The following ARHGAP20 variants were observed in gnomAD, a reference collection of about 807,000 sequenced individuals.
ARHGAP20 encodes the protein Rho GTPase activating protein 20.
In ARHGAP20, 34 loss-of-function variants were observed where a neutral mutation model predicts 73.7. That is an observed-to-expected ratio of 0.46 (90% CI 0.35 to 0.61). The LOEUF (loss-of-function observed/expected upper bound fraction) is 0.61. Among genes scored for constraint, ARHGAP20 ranks in the 20% least tolerant of loss-of-function variants. The pLI is 0.00. For synonymous variants in ARHGAP20, 523 were observed against 518.2 expected (o/e 1.01, Z -0.13); for missense variants, 1,314 against 1,420.9 (o/e 0.92, Z 1.21).
At chr11:110,603,519 TA>T (rs1033577768) in intron 9 of ARHGAP20, among the ~76,000 whole-genome samples, 23 of 152,194 alleles carry the variant, frequency 1.5e-4, no homozygotes, top group Non-Finnish European at 5.9e-5. Flanking sequence ...CTTGTGCCGT[TA>T]AAAGTTAAAA....
intron 2 of ARHGAP20, among the ~76,000 whole-genome samples, chr11:110,658,488 C>A (rs982990224): frequency 6.6e-6 from 1 of 152,006 alleles, no homozygotes; most frequent in Non-Finnish European, 1.5e-5. Flanking sequence ...AAAGTAGCTA[C>A]GAAGAAAGAC....
intron 2 of ARHGAP20, among the ~76,000 whole-genome samples, chr11:110,655,474 C>T (rs949853791): frequency 2.6e-5 from 4 of 152,162 alleles, no homozygotes; most frequent in Admixed American, 2.6e-4. Flanking sequence ...AACGTAAGCT[C>T]CGCAATGCCA....
At chr11:110,688,087 C>T (rs1024741973) in intron 2 of ARHGAP20, among the ~76,000 whole-genome samples, 2 of 152,100 alleles carry the variant, frequency 1.3e-5, no homozygotes, top group African/African-American at 2.4e-5. Flanking sequence ...AAGATATTTT[C>T]CCCCTTCGTG....
chr11:110,605,224 T>C (rs1948196676), intron 9 of ARHGAP20, among the ~76,000 whole-genome samples: 1 of 152,082 alleles, frequency 6.6e-6, no homozygotes, highest in Admixed American at 6.5e-5. Flanking sequence ...TAGAGTTTAG[T>C]AGGTTTGAAA....
At chr11:110,643,724 A>T (rs945519080) in intron 2 of ARHGAP20, among the ~76,000 whole-genome samples, 4 of 152,032 alleles carry the variant, frequency 2.6e-5, no homozygotes, top group Admixed American at 2.0e-4. Flanking sequence ...AGATGAGAAG[A>T]ATCTTCTGTG....
chr11:110,603,338 C>T (rs1194478803), intron 9 of ARHGAP20, among the ~76,000 whole-genome samples: 1 of 152,136 alleles, frequency 6.6e-6, no homozygotes, highest in Non-Finnish European at 1.5e-5. Context: ...TATTAATGGA[C>T]ACTAAATGGC....
chr11:110,690,591 T>C lies in ARHGAP20; in HGVS notation c.144A>G (p.Pro48=), dbSNP rs139488226. The C allele has an allele frequency of 3.7e-6, 6 of 1,613,994 alleles. No homozygotes were observed. The African/African-American group carries it at 6.7e-5, about 18-fold the overall frequency. Reference sequence around the variant, plus strand: ...GTAGGGCTTTATCCAGGATAAGAGATGGAGCGCTCCTCCTCCTTTCTGCTA... The same window carrying C: ...GTAGGGCTTTATCCAGGATAAGAGACGGAGCGCTCCTCCTCCTTTCTGCTA... The part of the protein sequence containing the change: ...KTLAERRRSA[P]SLILDKALQK... Residue 48 remains proline (P), a synonymous_variant, in exon 2 of 15, where the codon CCA becomes CCG. Transcript: ENST00000683387.
intron 2 of ARHGAP20, among the ~76,000 whole-genome samples, chr11:110,677,797 T>C (rs1347483718): frequency 6.6e-6 from 1 of 152,158 alleles, no homozygotes; most frequent in African/African-American, 2.4e-5. Context: ...TTTAGAATGG[T>C]GCCACTGCCT....
chr11:110,589,482 T>C, intron 11 of ARHGAP20: 1 of 985,472 alleles, frequency 1.0e-6, no homozygotes. Flanking sequence ...TTCCTTAACT[T>C]GGTTTTCACG....
intron 2 of ARHGAP20, among the ~76,000 whole-genome samples, chr11:110,678,724 C>T (rs1465591978): frequency 1.3e-5 from 2 of 152,142 alleles, no homozygotes; most frequent in Non-Finnish European, 2.9e-5. Context: ...TGCAGTGGCA[C>T]AATCACGGCT....
At chr11:110,590,607 G>A in intron 11 of ARHGAP20, 41 bp downstream of exon 11, 6 of 1,569,770 alleles carry the variant, frequency 3.8e-6, no homozygotes, top group Non-Finnish European at 5.2e-6. Context: ...TCTTTCTCTA[G>A]AGCTACACCA....
intron 1 of ARHGAP20, chr11:110,711,858 G>C (rs914560046): frequency 4.6e-6 from 6 of 1,318,624 alleles, no homozygotes; most frequent in Non-Finnish European, 5.8e-6. Context: ...ACCGGCGGCG[G>C]ATGGAGACGG....
intron 2 of ARHGAP20, among the ~76,000 whole-genome samples, chr11:110,675,901 CA>C (rs2135080296): frequency 6.6e-6 from 1 of 152,280 alleles, no homozygotes; most frequent in African/African-American, 2.4e-5. Flanking sequence ...TTACTTCTGA[CA>C]AATTTTTTTT....
intron 4 of ARHGAP20, among the ~76,000 whole-genome samples, chr11:110,621,960 T>A (rs1948638616): frequency 6.6e-6 from 1 of 152,242 alleles, no homozygotes; most frequent in Non-Finnish European, 1.5e-5. Context: ...TCAGTTCGAT[T>A]CTTTCAGTCT....
rs562113654 is a variant in ARHGAP20, at chr11:110,619,369, T to C, written c.504-3775A>G. On this transcript the variant is annotated intron_variant, in intron 4 of 14. Transcript: ENST00000683387. ...ATAGAGTATATGTAGTGATAGCATA[T>C]ATGTAGAGTATATGCAGTGATAGAG... 1.6e-3 allele frequency among the ~76,000 whole-genome samples: 245 copies of C among 149,830 alleles called. 5 individuals carry two copies. The highest frequency in any genetic ancestry group is 5.7e-3 in the African/African-American group (231 of 40,514).
At chr11:110,602,513 T>C (rs528979299) in intron 9 of ARHGAP20, among the ~76,000 whole-genome samples, 28 of 152,216 alleles carry the variant, frequency 1.8e-4, no homozygotes, top group African/African-American at 6.3e-4. Flanking sequence ...CTCACAAAAA[T>C]AAAAATGAGG....
chr11:110,676,656 GA>G (rs1277036171), intron 2 of ARHGAP20, among the ~76,000 whole-genome samples: 2 of 152,092 alleles, frequency 1.3e-5, no homozygotes, highest in African/African-American at 4.8e-5. Context: ...TATAAAGGTT[GA>G]TATCTCTGAA....
intron 2 of ARHGAP20, among the ~76,000 whole-genome samples, chr11:110,688,942 T>C (rs1016703940): frequency 3.9e-5 from 6 of 151,960 alleles, no homozygotes; most frequent in African/African-American, 1.2e-4. Flanking sequence ...TGTCACTTGT[T>C]GGGATTTGGA....
At position 110,606,636 on chromosome 11, in the gene ARHGAP20, C is replaced by T; in HGVS notation, c.889G>A (p.Glu297Lys). ...CACTGCATCTCTCGGGGGAGCTGTT[C>T]CATAAGGAAGGGCTCCTGGAGGTTG... is the stretch of plus-strand genomic sequence containing the variant. The part of the protein sequence containing the change: ...PFNLQEPFLM[E>K]QLPREMQCQF... The change falls in exon 9 of 15, where the codon GAA becomes AAA. Residue 297 changes from glutamate to lysine, a missense_variant. Around this residue, in one of 3 missense-constraint regions of ARHGAP20, gnomAD observed 443 missense variants for 466.4 expected, o/e 0.95. Transcript: ENST00000683387. The T allele has an allele frequency of 6.2e-7, 1 of 1,611,712 alleles. No individual in the cohort carries two copies. The highest frequency in any genetic ancestry group is 8.5e-7 in the Non-Finnish European group (1 of 1,179,296).
Sources: gnomAD v4.1 joint callset for allele counts (sites outside exome capture counted in the v4.1 genomes callset) on GRCh38, gnomAD v4.1.1 for gene constraint, gnomAD v4.1.1 regional missense constraint, MANE v1.5 for transcripts, NCBI Gene and HGNC (gene_info 2026-07-23, HGNC 2026-07-21) for gene names.